Variants in CD247 observed in about 807,000 individuals in gnomAD.
CD247 encodes the protein CD247 molecule, also known as T-cell surface glycoprotein CD3 zeta chain.
CD247 carries 13 observed loss-of-function variants against 30.0 expected under a neutral mutation model. That is an observed-to-expected ratio of 0.43 (90% confidence interval 0.28 to 0.69). The LOEUF is 0.69. CD247 is among the 30% of genes least tolerant of loss of function. The pLI is 0.16. For synonymous variants in CD247, 72 were observed against 80.0 expected (o/e 0.90, Z 0.53); for missense variants, 193 against 212.6 (o/e 0.91, Z 0.57).
intron 1 of CD247, among the ~76,000 whole-genome samples, chr1:167,483,014 T>TGCTGTC (rs1654037274): frequency 7.4e-6 from 1 of 135,168 alleles, no homozygotes. Context: ...CTTTCTTTCT[T>TGCTGTC]TTTTTTTTTT....
At position 167,431,106 on chromosome 1, in the gene CD247, G is replaced by GCC. The variant is rs1651244194; in HGVS notation, c.*573_*574dup. 2.4e-6 allele frequency: 1 copy of GCC among 422,354 alleles called. No homozygotes were observed. The highest frequency in any genetic ancestry group is 4.2e-6 in the Non-Finnish European group (1 of 239,254). 26.2% of individuals were successfully genotyped at this position (422,354 alleles called of 1,614,324 possible). A position where few individuals can be genotyped will look rare whatever the true frequency, so the allele number is the denominator to read the frequency against. On this transcript the variant is annotated 3_prime_UTR_variant, in exon 8 of 8. Coordinates refer to ENST00000362089, the MANE Select transcript of CD247 (RefSeq NM_198053.3). Reference sequence around the variant, plus strand: ...CGCAGGCCCTGGCTGACCCTCCCCTGCCCGCCCACCTTCCCATGCCCCTGC... The same window carrying GCC: ...CGCAGGCCCTGGCTGACCCTCCCCTGCCCCCGCCCACCTTCCCATGCCCCTGC...
intron 1 of CD247, among the ~76,000 whole-genome samples, chr1:167,465,327 C>CTTTTTTT (rs765176193): frequency 8.0e-4 from 92 of 115,322 alleles, no homozygotes; most frequent in East Asian, 1.0e-3. Flanking sequence ...TTTTCTTTTT[C>CTTTTTTT]TTTTTTTTTT....
chr1:167,493,537 A>G (rs1456979408), intron 1 of CD247, among the ~76,000 whole-genome samples: 2 of 152,232 alleles, frequency 1.3e-5, no homozygotes, highest in African/African-American at 4.8e-5. Flanking sequence ...CACAACAGCC[A>G]TATGAGATAG....
intron 1 of CD247, among the ~76,000 whole-genome samples, chr1:167,457,174 G>A (rs1162579285): frequency 6.6e-6 from 1 of 152,184 alleles, no homozygotes; most frequent in Non-Finnish European, 1.5e-5. Context: ...GGCTGCATCC[G>A]CACATTCTCA....
Position 167,516,739 on chromosome 1 carries a change from C to CA in CD247, c.58+1668dup, listed in dbSNP as rs372907261. 8.5e-4 allele frequency among the ~76,000 whole-genome samples: 129 copies of CA among 152,212 alleles called. 1 individual carries two copies. The highest frequency in any genetic ancestry group is 3.0e-3 in the African/African-American group (123 of 41,530). ...AGGCAAAGTAAGTGGCACTGAGAAG[C>CA]AAAAAATCCAGCCAATGTGCAGTTT... On this transcript the variant is annotated intron_variant, in intron 1 of 7. Coordinates refer to ENST00000362089, the MANE Select transcript of CD247 (RefSeq NM_198053.3).
chr1:167,458,689 C>CTTTCTTTCTTTT (rs1553231431), intron 1 of CD247: 3 of 95,426 alleles, frequency 3.1e-5, no homozygotes, highest in African/African-American at 9.3e-5. Flanking sequence ...TTCTTTCTTT[C>CTTTCTTTCTTTT]TTTTTTTTTT....
intron 1 of CD247, among the ~76,000 whole-genome samples, chr1:167,469,549 T>C (rs1653413761): frequency 6.6e-6 from 1 of 152,242 alleles, no homozygotes; most frequent in Non-Finnish European, 1.5e-5. Flanking sequence ...GCATTGACTC[T>C]GCATTTTTTA....
intron 1 of CD247, among the ~76,000 whole-genome samples, chr1:167,441,188 C>T (rs1293331084): frequency 1.3e-5 from 2 of 152,156 alleles, no homozygotes; most frequent in African/African-American, 4.8e-5. Flanking sequence ...GGCTCTGAGG[C>T]CTACCCACAG....
At chr1:167,474,752 CTTTTTTT>C (rs1175876563) in intron 1 of CD247, among the ~76,000 whole-genome samples, 1 of 123,312 alleles carries the variant, frequency 8.1e-6, no homozygotes. Context: ...TTAAAACTGT[CTTTTTTT>C]TTTTTTTTTT....
chr1:167,474,587 T>C (rs997170908), intron 1 of CD247, among the ~76,000 whole-genome samples: 1 of 151,838 alleles, frequency 6.6e-6, no homozygotes, highest in African/African-American at 2.4e-5. Context: ...GGGAAGGAAA[T>C]GCACACAAAT....
intron 1 of CD247, among the ~76,000 whole-genome samples, chr1:167,479,466 T>A (rs1158816394): frequency 3.3e-5 from 5 of 152,210 alleles, no homozygotes; most frequent in African/African-American, 9.6e-5. Context: ...GACCACACAA[T>A]GGTGGCGATT....
chr1:167,447,333 T>C (rs1369257872), intron 1 of CD247, among the ~76,000 whole-genome samples: 1 of 152,194 alleles, frequency 6.6e-6, no homozygotes, highest in Non-Finnish European at 1.5e-5. Flanking sequence ...GTTCCTGTCA[T>C]ATAGAGAGCT....
At chr1:167,435,512 G>A in intron 4 of CD247, 78 bp from the exon 5 acceptor site, 1 of 1,158,958 alleles carries the variant, frequency 8.6e-7, no homozygotes, top group Non-Finnish European at 1.3e-6. Context: ...ACCCCATCCT[G>A]CCCCCTGACT....
rs34359201 is a variant in CD247 at position 167,438,678 on chromosome 1, C to T, written c.220-28G>A. 33,588 of 1,567,098 alleles carry T rather than the reference C, an allele frequency of 0.021. 416 individuals are homozygous for T. The highest frequency in any genetic ancestry group is 0.025 in the Non-Finnish European group (27,976 of 1,137,268). On this transcript the variant is annotated intron_variant, in intron 3 of 7. Coordinates refer to ENST00000362089, the MANE Select transcript of CD247 (RefSeq NM_198053.3). ...ATAACAGATAAGAAAGTGTCAGACA[C>T]AGGACGGAGGAACCTCAGAAGGATG... is the stretch of plus-strand genomic sequence containing the variant.
rs35296562 is a variant in CD247, at chr1:167,494,971, G to A, written c.58+23437C>T. ...CTCTCCCCACCTGGACCTTGTGTCC[G>A]AGGAGCAGTGTTGGACCCTCAATTC... On this transcript the variant is annotated intron_variant, in intron 1 of 7. Coordinates refer to ENST00000362089, the MANE Select transcript of CD247 (RefSeq NM_198053.3). The surrounding 1 kb of genome is among the most constrained non-coding windows in gnomAD (Gnocchi z 7.3). Among the ~76,000 whole-genome samples the A allele has an allele frequency of 2.6e-3, 394 of 152,262 alleles. 1 individual carries two copies. Among genetic ancestry groups the A allele is most frequent in the African/African-American group, 8.5e-3 (354 of 41,544 alleles).
At chr1:167,439,656 T>G in intron 2 of CD247, 1 of 558,104 alleles carries the variant, frequency 1.8e-6, no homozygotes, top group South Asian at 2.0e-5. Flanking sequence ...TGGAGTTTAT[T>G]CTTCCCGGGC....
At chr1:167,514,934 A>G (rs1314619940) in intron 1 of CD247, among the ~76,000 whole-genome samples, 1 of 152,204 alleles carries the variant, frequency 6.6e-6, no homozygotes, top group African/African-American at 2.4e-5. Context: ...CAATAATTAC[A>G]TGTATTTTTT....
chr1:167,479,497 C>T (rs1653882232), intron 1 of CD247, among the ~76,000 whole-genome samples: 1 of 152,202 alleles, frequency 6.6e-6, no homozygotes, highest in African/African-American at 2.4e-5. Context: ...ACATATCCGC[C>T]TCCATCTGCC....
rs915205181 is a variant in CD247 at position 167,439,835 on chromosome 1, G to T, written c.163-435C>A. 4 of 192,156 alleles carry T rather than the reference G, an allele frequency of 2.1e-5. No homozygotes were observed. In the South Asian group the frequency reaches 4.0e-4, roughly 19 times the overall value. 11.9% of individuals were successfully genotyped at this position (192,156 alleles called of 1,614,324 possible). Reference sequence around the variant, plus strand: ...TGACCCCCGGAGCAGTGTACTGTACGTGCATCACTCGCCCAGCCCTCAGCC... The same window carrying T: ...TGACCCCCGGAGCAGTGTACTGTACTTGCATCACTCGCCCAGCCCTCAGCC... On this transcript the variant is annotated intron_variant, in intron 2 of 7. Coordinates refer to ENST00000362089, the MANE Select transcript of CD247 (RefSeq NM_198053.3).
Sources: gnomAD v4.1 joint callset for allele counts (sites outside exome capture counted in the v4.1 genomes callset) on GRCh38, gnomAD v4.1.1 for gene constraint, Gnocchi (gnomAD v3.1) non-coding constraint, MANE v1.5 for transcripts, NCBI Gene and HGNC (gene_info 2026-07-23, HGNC 2026-07-21) for gene names.